LAMA3: variants seen among roughly 807,000 people sequenced by gnomAD.
The protein encoded by LAMA3 is laminin subunit alpha 3.
LAMA3 carries 281 observed loss-of-function variants against 402.0 expected under a neutral mutation model. The ratio of observed to expected loss-of-function variants is 0.70; its 90% confidence interval spans 0.63 to 0.77. The LOEUF (loss-of-function observed/expected upper bound fraction) is 0.77. LAMA3 is among the 30% of genes least tolerant of loss of function. The pLI is 0.00. For synonymous variants in LAMA3, 1,431 were observed against 1,558.4 expected, an observed-to-expected ratio of 0.92 and a Z score of 1.93; for missense variants, 3,840 against 4,215.5, an observed-to-expected ratio of 0.91 and a Z score of 2.47.
At chr18:23,929,531 CTT>C (rs1455676291) in intron 64 of LAMA3, among the ~76,000 whole-genome samples, 1 of 151,920 alleles carries the variant, frequency 6.6e-6, no homozygotes, top group Non-Finnish European at 1.5e-5. Flanking sequence ...CCGCCCCTCT[CTT>C]GGTGGCTGAC....
intron 12 of LAMA3, among the ~76,000 whole-genome samples, chr18:23,800,344 A>G (rs1182072196): frequency 6.6e-6 from 1 of 152,216 alleles, no homozygotes; most frequent in African/African-American, 2.4e-5. Flanking sequence ...AAGTCAATAC[A>G]TCTTAGGTTG....
intron 8 of LAMA3, among the ~76,000 whole-genome samples, chr18:23,769,849 A>C (rs2062157402): frequency 6.6e-6 from 1 of 152,390 alleles, no homozygotes; most frequent in East Asian, 1.9e-4. Flanking sequence ...AGCAAGACTC[A>C]ACTATATTGT....
At position 23,875,140 on chromosome 18, in the gene LAMA3, T is replaced by C. The variant is rs145472887; in HGVS notation, c.4999-1154T>C. Among the ~76,000 whole-genome samples, 154 of 152,314 alleles carry C rather than the reference T, an allele frequency of 1.0e-3. 2 individuals are homozygous for C. The East Asian group carries it at 0.024, about 24-fold the overall frequency. The stretch of plus-strand genomic sequence containing the variant: ...TCGGCCTCCCAAAGTGCTGGAATTA[T>C]AGGCTTGAGCCACCACAACCAGCCA... On this transcript the variant is annotated intron_variant, in intron 38 of 74. Transcript: ENST00000313654.
chr18:23,876,271 T>G, intron 38 of LAMA3, 23 bp from the exon 39 acceptor site: 1 of 1,483,374 alleles, frequency 6.7e-7, no homozygotes, highest in Non-Finnish European at 9.4e-7. Flanking sequence ...TTGTATTGAT[T>G]AAACACTTTG....
intron 12 of LAMA3, among the ~76,000 whole-genome samples, chr18:23,799,596 C>T (rs751857554): frequency 6.6e-5 from 10 of 152,186 alleles, no homozygotes; most frequent in Non-Finnish European, 1.2e-4. Context: ...GCCACCACTG[C>T]GCTCCAGGCA....
At chr18:23,833,732 G>C in intron 23 of LAMA3, 96 bp from the exon 24 acceptor site, 1 of 1,336,274 alleles carries the variant, frequency 7.5e-7, no homozygotes, top group Non-Finnish European at 1.1e-6. Context: ...TACTTCCAGG[G>C]TGTCTTCTGG....
At chr18:23,858,194 C>T (rs933186731) in intron 33 of LAMA3, among the ~76,000 whole-genome samples, 5 of 152,056 alleles carry the variant, frequency 3.3e-5, no homozygotes, top group East Asian at 1.9e-4. Context: ...GGTCTCAGAC[C>T]GCCTTAGAAT....
At chr18:23,891,692 T>C (rs1346436805) in intron 42 of LAMA3, among the ~76,000 whole-genome samples, 1 of 152,210 alleles carries the variant, frequency 6.6e-6, no homozygotes, top group African/African-American at 2.4e-5. Context: ...AGCTATGTGA[T>C]AAGTGGTAAC....
At chr18:23,756,897 C>G (rs1007216212) in intron 6 of LAMA3, among the ~76,000 whole-genome samples, 1 of 151,546 alleles carries the variant, frequency 6.6e-6, no homozygotes, top group Non-Finnish European at 1.5e-5. Flanking sequence ...TCAGTCCCCT[C>G]CAAGCCTCCC....
rs867449 is a variant in LAMA3, at chr18:23,857,967, G to A, written c.4260G>A (p.Gly1420=). 7 of 1,613,860 alleles carry A rather than the reference G, an allele frequency of 4.3e-6. No individual in the cohort carries two copies. Among genetic ancestry groups the A allele is most frequent in the Non-Finnish European group, 5.9e-6 (7 of 1,179,988 alleles). The part of the protein sequence containing the change: ...DGTEPGVCDP[G]TGACLCKENV... ...CTGAGCCAGGAGTGTGTGACCCAGG[G>A]ACCGGGGCTTGCCTCTGCAAGGTAA... is the stretch of plus-strand genomic sequence containing the variant. The change falls in exon 33 of 75, where the codon GGG becomes GGA. Residue 1420 remains glycine, a synonymous_variant. Coordinates refer to ENST00000313654, the MANE Select transcript of LAMA3 (RefSeq NM_198129.4).
At chr18:23,818,166 A>C (rs1450320210) in intron 18 of LAMA3, among the ~76,000 whole-genome samples, 1 of 152,168 alleles carries the variant, frequency 6.6e-6, no homozygotes, top group Non-Finnish European at 1.5e-5. Context: ...AAAAAATAAA[A>C]AAATGTTTTC....
intron 61 of LAMA3, 32 bp downstream of exon 61, chr18:23,921,086 T>C: frequency 1.2e-6 from 2 of 1,611,148 alleles, no homozygotes; most frequent in Non-Finnish European, 1.7e-6. Context: ...ACTTGAATCG[T>C]TAAATGTCCT....
chr18:23,875,898 T>C (rs949781668), intron 38 of LAMA3, among the ~76,000 whole-genome samples: 4 of 152,078 alleles, frequency 2.6e-5, no homozygotes, highest in Non-Finnish European at 5.9e-5. Flanking sequence ...TTCCCCACCA[T>C]GCATCTCACA....
At chr18:23,730,714 A>G (rs2061380570) in intron 2 of LAMA3, among the ~76,000 whole-genome samples, 1 of 152,098 alleles carries the variant, frequency 6.6e-6, no homozygotes. Context: ...GAATACAAGC[A>G]ATATATTGAT....
At position 23,775,850 on chromosome 18, in the gene LAMA3, C is replaced by T; in HGVS notation, c.1332C>T (p.His444=). ...DGCEQGSGRC[H]CKPNFHGDNC... is the part of the protein sequence containing the mutation. Reference sequence around the variant, plus strand: ...GTGAACAGGGTTCAGGCCGCTGTCACTGCAAGCCAAATTTCCACGGAGACA... The same window carrying T: ...GTGAACAGGGTTCAGGCCGCTGTCATTGCAAGCCAAATTTCCACGGAGACA... The change falls in exon 10 of 75, where the codon CAC becomes CAT. Residue 444 remains histidine (H), a synonymous_variant. Coordinates refer to ENST00000313654, the MANE Select transcript of LAMA3 (RefSeq NM_198129.4). 6.2e-7 allele frequency: 1 copy of T among 1,614,038 alleles called. No homozygotes were observed. Among genetic ancestry groups the T allele is most frequent in the South Asian group, 1.1e-5 (1 of 91,076 alleles).
At chr18:23,777,498 G>A (rs2062347768) in intron 10 of LAMA3, 59 bp from the exon 11 acceptor site, 4 of 1,194,314 alleles carry the variant, frequency 3.3e-6, no homozygotes, top group Admixed American at 3.4e-5. Flanking sequence ...ACAACTTAAT[G>A]TTTTACTTTA....
Position 23,909,156 on chromosome 18 carries a change from A to G in LAMA3, c.7019A>G (p.Asn2340Ser). The G allele has an allele frequency of 6.2e-7, 1 of 1,613,960 alleles. No homozygotes were observed. The change falls in exon 55 of 75, where the codon AAT becomes AGT. Residue 2340 changes from asparagine to serine, a missense_variant. Asn to Ser is a conservative substitution (Grantham distance 46). Coordinates refer to ENST00000313654, the MANE Select transcript of LAMA3 (RefSeq NM_198129.4). ...KALTDADNSV[N>S]KLTNKLPDLW... ...CTATTTTTTTTCTCACCAACAGTGA[A>G]TAAGTTAACCAACAAACTACCTGAT...
chr18:23,932,764 T>C (rs1008419230), intron 66 of LAMA3, among the ~76,000 whole-genome samples: 15 of 152,208 alleles, frequency 9.9e-5, no homozygotes, highest in Non-Finnish European at 2.1e-4. Flanking sequence ...TTTTTTTTGA[T>C]ACAAAATTAT....
intron 2 of LAMA3, among the ~76,000 whole-genome samples, chr18:23,740,238 C>A (rs1598690708): frequency 6.6e-6 from 1 of 152,142 alleles, no homozygotes; most frequent in African/African-American, 2.4e-5. Flanking sequence ...TCTTGAGTAA[C>A]AGTTTGGTCT....
Sources: allele counts gnomAD v4.1 joint callset (sites outside exome capture counted in the v4.1 genomes callset), GRCh38; gene constraint gnomAD v4.1.1; transcripts MANE v1.5; gene names NCBI Gene and HGNC (gene_info 2026-07-23, HGNC 2026-07-21).